Variants in PPFIBP2 observed in about 807,000 individuals in gnomAD.
The protein encoded by PPFIBP2 is liprin-beta-2.
A neutral mutation model predicts 118.3 loss-of-function variants in PPFIBP2; 118 were observed. The observed-to-expected ratio is 1.00, with a 90% CI of 0.86 to 1.16. The LOEUF (loss-of-function observed/expected upper bound fraction) is 1.16, where lower values mean the gene tolerates loss of function less well. PPFIBP2 is among the 50% of genes most tolerant of loss of function. The pLI, the probability that PPFIBP2 is intolerant of heterozygous loss-of-function variation, is 0.00. For synonymous variants in PPFIBP2, 414 were observed against 397.4 expected, an observed-to-expected ratio of 1.04 and a Z score of -0.50; for missense variants, 1,195 against 1,073.1, an observed-to-expected ratio of 1.11 and a Z score of -1.59.
chr11:7,597,366 C>T (rs1860532496), intron 4 of PPFIBP2, 194 bp from the exon 5 acceptor site: 1 of 1,536,068 alleles, frequency 6.5e-7, no homozygotes, highest in African/African-American at 1.4e-5. Flanking sequence ...CCGAGACTCC[C>T]TGGTAAGGTA....
intron 4 of PPFIBP2, 26 bp from the exon 5 acceptor site, chr11:7,597,534 C>T (rs1860572490): frequency 6.2e-7 from 1 of 1,600,512 alleles, no homozygotes; most frequent in Non-Finnish European, 8.5e-7. Flanking sequence ...CCTGGTCCTC[C>T]ACCATTGCTT....
At chr11:7,650,743 C>T (rs11041497) in intron 21 of PPFIBP2, 97 bp from the exon 22 acceptor site, 193,780 of 1,327,414 alleles carry the variant, frequency 0.15, 17,634 homozygotes, top group East Asian at 0.51. Context: ...TGTTGTGATG[C>T]GTCTGGGGCA....
chr11:7,562,345 A>C (rs912495109), intron 2 of PPFIBP2, among the ~76,000 whole-genome samples: 1 of 152,194 alleles, frequency 6.6e-6, no homozygotes, highest in Non-Finnish European at 1.5e-5. Flanking sequence ...TCCTCACTAT[A>C]TGGACTTTTC....
rs904711840 is a variant in PPFIBP2, at chr11:7,653,211, T to C, written c.2624T>C (p.Ile875Thr). 6.2e-7 allele frequency: 1 copy of C among 1,613,982 alleles called. No homozygotes were observed. Among genetic ancestry groups the C allele is most frequent in the Non-Finnish European group, 8.5e-7 (1 of 1,180,030 alleles). The change falls in exon 24 of 24, where the codon ATT becomes ACT. Residue 875 changes from isoleucine (I) to threonine (T), a missense_variant. Physicochemically the swap from Ile to Thr is moderately conservative, Grantham distance 89. Transcript: ENST00000299492. ...ELDGLDQVGQ[I>T]S is the part of the protein sequence containing the mutation. ...GATGGGCTGGACCAGGTGGGACAGA[T>C]TAGCTGATGCCCTTGTCACCTGCCC...
At chr11:7,610,724 T>A (rs1482754509) in intron 6 of PPFIBP2, among the ~76,000 whole-genome samples, 1 of 152,192 alleles carries the variant, frequency 6.6e-6, no homozygotes, top group Admixed American at 6.5e-5. Context: ...ACACAAGATG[T>A]CTTCTGTGAG....
downstream of PPFIBP2, among the ~76,000 whole-genome samples, chr11:7,654,285 A>G (rs1208905651): frequency 6.6e-6 from 1 of 152,170 alleles, no homozygotes; most frequent in African/African-American, 2.4e-5. Context: ...GCTCCTCCAG[A>G]TGGGCCTTGT....
At chr11:7,597,859 G>C (rs112760352) in intron 5 of PPFIBP2, 186 bp downstream of exon 5, 7,466 of 572,358 alleles carry the variant, frequency 0.013, 79 homozygotes, top group Non-Finnish European at 0.017. Flanking sequence ...AGTGGCAGAG[G>C]GGGTAGGGAA....
intron 16 of PPFIBP2, 54 bp downstream of exon 16, chr11:7,641,674 T>G: frequency 6.4e-7 from 1 of 1,563,718 alleles, no homozygotes; most frequent in Non-Finnish European, 8.8e-7. Context: ...TCTTTTTGAT[T>G]GGGCAAAGAG....
intron 2 of PPFIBP2, among the ~76,000 whole-genome samples, chr11:7,554,529 C>A (rs1426679166): frequency 6.6e-6 from 1 of 152,092 alleles, no homozygotes; most frequent in African/African-American, 2.4e-5. Context: ...ACAGTGCAAA[C>A]AGTGCGGGAT....
chr11:7,523,933 T>C (rs185405500), intron 1 of PPFIBP2, among the ~76,000 whole-genome samples: 1 of 152,208 alleles, frequency 6.6e-6, no homozygotes. Context: ...CTTGTGTGCA[T>C]GGTTGAAATG....
chr11:7,547,293 G>A (rs1464200434), intron 1 of PPFIBP2, among the ~76,000 whole-genome samples: 1 of 152,170 alleles, frequency 6.6e-6, no homozygotes, highest in African/African-American at 2.4e-5. Flanking sequence ...GTATTGCAGA[G>A]GAGGGAAGGT....
At chr11:7,532,996 G>A (rs965852236) in intron 1 of PPFIBP2, among the ~76,000 whole-genome samples, 5 of 151,542 alleles carry the variant, frequency 3.3e-5, no homozygotes, top group African/African-American at 7.3e-5. Flanking sequence ...AGTTACGCAC[G>A]CTCCAGCTAA....
chr11:7,551,763 C>A (rs1027078150), intron 2 of PPFIBP2, among the ~76,000 whole-genome samples: 6 of 152,192 alleles, frequency 3.9e-5, no homozygotes, highest in African/African-American at 1.4e-4. Flanking sequence ...GGGGTCAGTA[C>A]CTCTTTCTGA....
Position 7,648,926 on chromosome 11 carries a change from A to C in PPFIBP2, c.1909+15A>C. On this transcript the variant is annotated intron_variant, in intron 19 of 23. Transcript: ENST00000299492. Reference sequence around the variant, plus strand: ...TTGGGTGACAAGTAAGGATAGGCATATATGTATTAAGAATGTCTCTGGCAG... The same window carrying C: ...TTGGGTGACAAGTAAGGATAGGCATCTATGTATTAAGAATGTCTCTGGCAG... 1.3e-6 allele frequency: 2 copies of C among 1,598,324 alleles called. No homozygotes were observed. Among genetic ancestry groups the C allele is most frequent in the Non-Finnish European group, 1.7e-6 (2 of 1,165,812 alleles).
intron 6 of PPFIBP2, among the ~76,000 whole-genome samples, chr11:7,617,833 C>G (rs939877170): frequency 2.0e-5 from 3 of 152,162 alleles, no homozygotes; most frequent in Admixed American, 6.5e-5. Flanking sequence ...AAATCCCCCC[C>G]ACATAATCAC....
chr11:7,620,823 T>C (rs895546147), intron 6 of PPFIBP2, 112 bp from the exon 7 acceptor site: 41 of 754,034 alleles, frequency 5.4e-5, no homozygotes, highest in South Asian at 5.3e-4. Flanking sequence ...AAAGCTGTTA[T>C]GTGGAGCTTG....
chr11:7,552,693 C>T (rs951964587), intron 2 of PPFIBP2, among the ~76,000 whole-genome samples: 8 of 152,160 alleles, frequency 5.3e-5, no homozygotes, highest in Non-Finnish European at 5.9e-5. Flanking sequence ...GCTTGGCTTT[C>T]GTGGCCCTTT....
In PPFIBP2 at chr11:7,607,707, C is replaced by G. The variant is rs142631397; in HGVS notation, c.487-2584C>G. Among the ~76,000 whole-genome samples the G allele has an allele frequency of 6.0e-3, 906 of 152,022 alleles. 14 individuals carry two copies. The highest frequency in any genetic ancestry group is 0.021 in the African/African-American group (874 of 41,450). ...AAGACATTTTCTTGTGGACCTTGAC[C>G]TGTGCACTTGTTCCTTTTCCCCTTT... is the stretch of plus-strand genomic sequence containing the variant. On this transcript the variant is annotated intron_variant, in intron 5 of 23. Transcript: ENST00000299492.
At chr11:7,539,567 C>A (rs1047922470) in intron 1 of PPFIBP2, 2 of 152,468 alleles carry the variant, frequency 1.3e-5, no homozygotes, top group African/African-American at 4.8e-5. Context: ...CTTTCATTTT[C>A]TCCCTTTTAG....
Sources: allele counts gnomAD v4.1 joint callset (sites outside exome capture counted in the v4.1 genomes callset), GRCh38; gene constraint gnomAD v4.1.1; transcripts MANE v1.5; gene names NCBI Gene and HGNC (gene_info 2026-07-23, HGNC 2026-07-21).